Variants in TRPM3 observed in about 807,000 individuals in gnomAD.
The protein encoded by TRPM3 is long transient receptor potential channel 3.
Under a neutral mutation model 181.2 loss-of-function variants are expected in TRPM3, and 77 were observed. That is an observed-to-expected ratio of 0.42 (90% CI 0.35 to 0.51). TRPM3 has a LOEUF of 0.51. Ranked by LOEUF, TRPM3 falls within the 20% of genes least tolerant of loss-of-function variation. The probability of loss-of-function intolerance (pLI) is 0.01; values close to 1 mark genes in which losing one functional copy is unlikely to be tolerated. For missense variants in TRPM3, 1,759 were observed against 2,196.7 expected, an observed-to-expected ratio of 0.80 and a Z score of 3.98; for synonymous variants, 745 against 796.4, an observed-to-expected ratio of 0.94 and a Z score of 1.09.
intron 1 of TRPM3, among the ~76,000 whole-genome samples, chr9:71,301,925 G>A (rs1270610767): frequency 4.6e-5 from 7 of 152,016 alleles, no homozygotes; most frequent in Non-Finnish European, 8.8e-5. Context: ...ACCCTCAAGA[G>A]GTTGTCTCCG....
chr9:70,806,287 GA>G (rs11383596), intron 6 of TRPM3, among the ~76,000 whole-genome samples: 4 of 145,864 alleles, frequency 2.7e-5, no homozygotes, highest in African/African-American at 5.3e-5. Flanking sequence ...TGCCAAAAAA[GA>G]AAAAAAAATC....
At chr9:71,395,938 T>C (rs185862175) in intron 1 of TRPM3, among the ~76,000 whole-genome samples, 25 of 151,854 alleles carry the variant, frequency 1.6e-4, no homozygotes, top group Admixed American at 1.6e-3. Flanking sequence ...AAGGTGGGAG[T>C]GGGACAAAAA....
chr9:70,561,457 G>C (rs2049053435), intron 22 of TRPM3, among the ~76,000 whole-genome samples: 1 of 152,134 alleles, frequency 6.6e-6, no homozygotes, highest in African/African-American at 2.4e-5. Flanking sequence ...GGTCCAGGTG[G>C]AGGTTTTCTC....
At chr9:70,682,463 G>A (rs1282142081) in intron 8 of TRPM3, among the ~76,000 whole-genome samples, 2 of 152,066 alleles carry the variant, frequency 1.3e-5, no homozygotes, top group African/African-American at 4.8e-5. Flanking sequence ...ACTTCAAGCA[G>A]AGTAAGTGGG....
chr9:70,796,986 T>C (rs1302815621), intron 6 of TRPM3, among the ~76,000 whole-genome samples: 1 of 152,060 alleles, frequency 6.6e-6, no homozygotes, highest in Non-Finnish European at 1.5e-5. Context: ...AAAAGTTAGC[T>C]GGGCATGGTG....
chr9:71,118,797 G>A (rs1476470263), intron 1 of TRPM3, among the ~76,000 whole-genome samples: 1 of 151,874 alleles, frequency 6.6e-6, no homozygotes, highest in Non-Finnish European at 1.5e-5. Flanking sequence ...GAGGGAGGTG[G>A]AACAAGAGAG....
intron 1 of TRPM3, among the ~76,000 whole-genome samples, chr9:71,417,274 T>C (rs2131501781): frequency 6.6e-6 from 1 of 152,100 alleles, no homozygotes; most frequent in African/African-American, 2.4e-5. Context: ...ACATGTGAGT[T>C]TCAATTGTTC....
In TRPM3 at chr9:70,776,399, G is replaced by T. The variant is rs996267971; in HGVS notation, c.1148+7706C>A. On this transcript the variant is annotated intron_variant, in intron 7 of 25. Transcript: ENST00000677713. Reference sequence around the variant, plus strand: ...CTCTCAGCTGAGAGGACCGTCATTCGCCATCAACTAGCACCATTTCACTTC... The same window carrying T: ...CTCTCAGCTGAGAGGACCGTCATTCTCCATCAACTAGCACCATTTCACTTC... The T allele has an allele frequency of 7.1e-6, 5 of 701,862 alleles. No individual in the cohort carries two copies. The East Asian group carries it at 1.1e-4, about 15-fold the overall frequency. 43.5% of individuals were successfully genotyped at this position (701,862 alleles called of 1,614,324 possible). A position where few individuals can be genotyped will look rare whatever the true frequency, so the allele number is the denominator to read the frequency against.
intron 1 of TRPM3, among the ~76,000 whole-genome samples, chr9:71,150,509 A>C (rs1287663867): frequency 2.0e-5 from 3 of 152,162 alleles, no homozygotes; most frequent in Non-Finnish European, 4.4e-5. Context: ...AAATAGTTTC[A>C]ATACTATGTC....
At chr9:70,635,462 A>AT (rs71505401) in intron 11 of TRPM3, among the ~76,000 whole-genome samples, 26,160 of 113,086 alleles carry the variant, frequency 0.23, 3,654 homozygotes, top group East Asian at 0.35. Flanking sequence ...TTTGTCAGTG[A>AT]TTTTTTTTTT....
At chr9:70,964,018 A>C (rs900846562) in intron 1 of TRPM3, among the ~76,000 whole-genome samples, 35 of 152,222 alleles carry the variant, frequency 2.3e-4, no homozygotes, top group African/African-American at 8.4e-4. Context: ...TTTAAATTTC[A>C]TAGAGTTTTC....
intron 1 of TRPM3, among the ~76,000 whole-genome samples, chr9:71,336,047 AG>A (rs2090535063): frequency 6.6e-6 from 1 of 152,104 alleles, no homozygotes; most frequent in South Asian, 2.1e-4. Context: ...TATTCCAAGA[AG>A]ACATCAGTGT....
intron 1 of TRPM3, among the ~76,000 whole-genome samples, chr9:71,303,230 A>C (rs2086942729): frequency 6.6e-6 from 1 of 152,204 alleles, no homozygotes; most frequent in African/African-American, 2.4e-5. Context: ...AAAAAACCTA[A>C]ACTGTGTAAA....
intron 1 of TRPM3, among the ~76,000 whole-genome samples, chr9:70,938,126 G>A (rs566945693): frequency 1.3e-5 from 2 of 152,304 alleles, no homozygotes; most frequent in South Asian, 4.1e-4. Flanking sequence ...GGGAGTGCTA[G>A]GTCCTTTTGT....
intron 15 of TRPM3, 47 bp from the exon 16 acceptor site, chr9:70,620,412 T>C (rs1368775952): frequency 6.4e-7 from 1 of 1,557,752 alleles, no homozygotes; most frequent in Non-Finnish European, 8.7e-7. Flanking sequence ...AATGAATTGG[T>C]TCATTTCAGC....
intron 6 of TRPM3, among the ~76,000 whole-genome samples, chr9:70,791,311 G>A (rs1215129160): frequency 1.3e-5 from 2 of 152,236 alleles, no homozygotes; most frequent in East Asian, 3.9e-4. Context: ...TACCACACAA[G>A]TTATTAAACA....
chr9:70,650,474 C>T (rs2059463631), intron 9 of TRPM3, among the ~76,000 whole-genome samples: 1 of 152,154 alleles, frequency 6.6e-6, no homozygotes, highest in Non-Finnish European at 1.5e-5. Context: ...TGGGTCAGTT[C>T]TTCCTGGCAT....
At chr9:70,810,585 AC>A (rs1224508421) in intron 6 of TRPM3, among the ~76,000 whole-genome samples, 21 of 152,060 alleles carry the variant, frequency 1.4e-4, no homozygotes, top group African/African-American at 4.1e-4. Flanking sequence ...TCAATGCTCA[AC>A]CTATATTTGG....
At chr9:71,339,262 C>G (rs138967700) in intron 1 of TRPM3, among the ~76,000 whole-genome samples, 30 of 152,176 alleles carry the variant, frequency 2.0e-4, no homozygotes, top group Non-Finnish European at 3.7e-4. Context: ...TTAGTTATGT[C>G]AAAGTTAATT....
Sources: gnomAD v4.1 joint callset for allele counts (sites outside exome capture counted in the v4.1 genomes callset) on GRCh38, gnomAD v4.1.1 for gene constraint, MANE v1.5 for transcripts, NCBI Gene and HGNC (gene_info 2026-07-23, HGNC 2026-07-21) for gene names.